IL4I1: variants seen among roughly 807,000 people sequenced by gnomAD.
IL4I1 encodes L-amino-acid oxidase.
Under a neutral mutation model 29.7 loss-of-function variants are expected in IL4I1, and 24 were observed. The ratio of observed to expected loss-of-function variants is 0.81; its 90% CI spans 0.59 to 1.14. The LOEUF is 1.14. IL4I1 is among the 50% of genes most tolerant of loss of function. The probability of loss-of-function intolerance (pLI) is 0.00; values close to 1 mark genes in which losing one functional copy is unlikely to be tolerated. For missense variants in IL4I1, 686 were observed against 785.6 expected (o/e 0.87, Z 1.52); for synonymous variants, 371 against 352.5 (o/e 1.05, Z -0.59).
chr19:49,909,614 T>C (rs1463528131), intron 2 of IL4I1: 1 of 1,613,258 alleles, frequency 6.2e-7, no homozygotes, highest in Non-Finnish European at 8.5e-7. Context: ...GGCCGGAGTC[T>C]GGGTGGCAAG....
At chr19:49,893,985 C>CAAAAA (rs996597872) in intron 5 of IL4I1, among the ~76,000 whole-genome samples, 1 of 19,664 alleles carries the variant, frequency 5.1e-5, no homozygotes, top group African/African-American at 2.0e-4. Context: ...GACTCCATCT[C>CAAAAA]AAAAAAAAAA....
upstream of IL4I1, chr19:49,901,642 A>C: frequency 1.3e-6 from 2 of 1,522,178 alleles, no homozygotes; most frequent in Non-Finnish European, 1.8e-6. Flanking sequence ...CACTCACTGC[A>C]TGGCTGCCTC....
At chr19:49,925,472 C>T (rs934547967) in intron 2 of IL4I1, among the ~76,000 whole-genome samples, 2 of 149,822 alleles carry the variant, frequency 1.3e-5, no homozygotes, top group African/African-American at 5.0e-5. Flanking sequence ...AAATAGCATC[C>T]TACCTGGCCA....
intron 2 of IL4I1, among the ~76,000 whole-genome samples, chr19:49,914,885 G>A (rs759388630): frequency 1.4e-4 from 21 of 151,484 alleles, no homozygotes; most frequent in Non-Finnish European, 2.4e-4. Flanking sequence ...GATTACAGGC[G>A]TGCACCACCA....
Position 49,910,029 on chromosome 19 carries a change from A to C in IL4I1, c.-227-5708T>G. On this transcript the variant is annotated intron_variant, in intron 2 of 9. Coordinates refer to the IL4I1 transcript ENST00000341114. ...CTAAACTAGGCTCTGCTACATCGAG[A>C]AGGATCCAGAAGCACAAAAGCACGC... 4 of 622,752 alleles carry C rather than the reference A, an allele frequency of 6.4e-6. No individual in the cohort carries two copies. The South Asian group carries it at 7.2e-5, about 11-fold the overall frequency. The allele number at this position is 622,752 out of a possible 1,614,324, so 38.6% of individuals were successfully genotyped here.
chr19:49,901,741 G>A, upstream of IL4I1: 2 of 1,505,284 alleles, frequency 1.3e-6, no homozygotes, highest in Non-Finnish European at 1.8e-6. Flanking sequence ...GTGAATGATG[G>A]TGGCTTTGTC....
At chr19:49,895,738 C>T (rs573438936) in intron 3 of IL4I1, 77 bp downstream of exon 3, 13 of 1,299,664 alleles carry the variant, frequency 1.0e-5, no homozygotes, top group East Asian at 9.8e-5. Context: ...AGGAGGAACG[C>T]GGCCGTGTCC....
upstream of IL4I1, chr19:49,901,674 A>C (rs1173568642): frequency 1.4e-5 from 21 of 1,540,582 alleles, no homozygotes; most frequent in African/African-American, 2.6e-4. Flanking sequence ...CTCAGCACCC[A>C]TGGCCTTTAT....
chr19:49,907,447 C>T (rs1008698909), intron 2 of IL4I1: 11 of 424,458 alleles, frequency 2.6e-5, no homozygotes, highest in Admixed American at 1.2e-4. Context: ...TCTATTCACA[C>T]TGTGCTGCTT....
chr19:49,894,372 G>A lies in IL4I1; in HGVS notation c.463C>T (p.Arg155Cys), dbSNP rs750219297. ...GGCACCTTCTCCACCACATAGTTGCGCAGCTTCACTTCGTGCACCTCCGTC... is the reference window on the plus strand; with the variant it reads ...GGCACCTTCTCCACCACATAGTTGCACAGCTTCACTTCGTGCACCTCCGTC... ...TWTEVHEVKL[R>C]NYVVEKVPEK... The change falls in exon 5 of 8, where the codon CGC becomes TGC. Residue 155 changes from arginine to cysteine, a missense_variant. Arg to Cys is a radical substitution (Grantham distance 180). Transcript: ENST00000391826. 9 of 1,614,216 alleles carry A rather than the reference G, an allele frequency of 5.6e-6. No homozygotes were observed. The highest frequency in any genetic ancestry group is 1.1e-5 in the South Asian group (1 of 91,090).
intron 2 of IL4I1, among the ~76,000 whole-genome samples, chr19:49,916,736 C>T (rs2075634179): frequency 1.3e-5 from 2 of 151,716 alleles, no homozygotes; most frequent in Admixed American, 1.3e-4. Context: ...TGCACTCCAG[C>T]CTGGGAGACA....
intron 3 of IL4I1, among the ~76,000 whole-genome samples, chr19:49,902,599 G>A (rs2075280916): frequency 6.6e-6 from 1 of 151,904 alleles, no homozygotes; most frequent in Admixed American, 6.6e-5. Flanking sequence ...AGGCCGAGGT[G>A]AGCGGATCAC....
chr19:49,923,404 G>C (rs79342675), intron 2 of IL4I1, among the ~76,000 whole-genome samples: 2 of 152,198 alleles, frequency 1.3e-5, no homozygotes, highest in Non-Finnish European at 2.9e-5. Context: ...AGCACAGGGC[G>C]GGGGGTTGTG....
intron 2 of IL4I1, among the ~76,000 whole-genome samples, chr19:49,919,373 G>A (rs1442457176): frequency 1.3e-5 from 2 of 152,148 alleles, no homozygotes; most frequent in South Asian, 2.1e-4. Flanking sequence ...ACAAAAGGCC[G>A]CCTGCTACAT....
At chr19:49,915,077 G>A (rs1409809955) in intron 2 of IL4I1, among the ~76,000 whole-genome samples, 1 of 151,964 alleles carries the variant, frequency 6.6e-6, no homozygotes, top group Non-Finnish European at 1.5e-5. Context: ...ACAGGAGTCT[G>A]TGCCTGGGAA....
chr19:49,926,208 C>CA (rs33981121), intron 2 of IL4I1, among the ~76,000 whole-genome samples: 8,976 of 42,282 alleles, frequency 0.21, 1,515 homozygotes, highest in East Asian at 0.5. Flanking sequence ...GACTCTGTCT[C>CA]AAAAAAAAAA....
At chr19:49,920,798 G>C (rs1445180232) in intron 2 of IL4I1, among the ~76,000 whole-genome samples, 1 of 152,218 alleles carries the variant, frequency 6.6e-6, no homozygotes, top group Admixed American at 6.5e-5. Context: ...AGGCATCAGG[G>C]CTGAGGGACT....
intron 2 of IL4I1, chr19:49,908,130 GAAAGAAAC>G: frequency 6.6e-7 from 1 of 1,523,878 alleles, no homozygotes. Flanking sequence ...TCATGTGAAA[GAAAGAAAC>G]AAACAAACAA....
At chr19:49,892,371 T>TG (rs2075151042) in intron 5 of IL4I1, among the ~76,000 whole-genome samples, 1 of 152,128 alleles carries the variant, frequency 6.6e-6, no homozygotes, top group Non-Finnish European at 1.5e-5. Context: ...CGTGAGCCAC[T>TG]GCGTGCCAGG....
Sources: allele counts gnomAD v4.1 joint callset (sites outside exome capture counted in the v4.1 genomes callset), GRCh38; gene constraint gnomAD v4.1.1; transcripts MANE v1.5; gene names NCBI Gene and HGNC (gene_info 2026-07-23, HGNC 2026-07-21).